Variants in RNF212B observed in about 807,000 individuals in gnomAD.
RNF212B encodes E3 ubiquitin-protein ligase RNF212B.
In RNF212B, 52 loss-of-function variants were observed where a neutral mutation model predicts 55.5. The observed-to-expected ratio is 0.94, with a 90% confidence interval of 0.75 to 1.18. The LOEUF is 1.18. Ranked by LOEUF, RNF212B falls within the 50% of genes most tolerant of loss-of-function variation. The pLI, the probability that RNF212B is intolerant of heterozygous loss-of-function variation, is 0.00. For missense variants in RNF212B, 289 were observed against 350.4 expected (o/e 0.82, Z 1.40); for synonymous variants, 99 against 121.4 (o/e 0.82, Z 1.21).
At chr14:23,230,633 G>A (rs972062502) in intron 2 of RNF212B, among the ~76,000 whole-genome samples, 1 of 110,714 alleles carries the variant, frequency 9.0e-6, no homozygotes, top group Non-Finnish European at 1.7e-5. Context: ...CAGCCTGGAC[G>A]ACAGAGCGAG....
intron 9 of RNF212B, 25 bp from the exon 10 acceptor site, chr14:23,264,149 T>C: frequency 1.3e-6 from 2 of 1,517,184 alleles, no homozygotes; most frequent in Non-Finnish European, 1.8e-6. Context: ...TTGCCTTTTT[T>C]TTCTTTTTGT....
At chr14:23,221,376 C>T (rs928786620) in intron 2 of RNF212B, among the ~76,000 whole-genome samples, 1 of 151,964 alleles carries the variant, frequency 6.6e-6, no homozygotes, top group South Asian at 2.1e-4. Context: ...GATTTCAAGA[C>T]AAAAACTGTA....
intron 1 of RNF212B, among the ~76,000 whole-genome samples, chr14:23,187,502 C>T (rs937508619): frequency 1.3e-5 from 2 of 152,170 alleles, no homozygotes; most frequent in African/African-American, 2.4e-5. Context: ...ATGTGCGCCA[C>T]CACACCCGGG....
At chr14:23,206,667 G>A (rs1879865917) in intron 2 of RNF212B, among the ~76,000 whole-genome samples, 1 of 152,056 alleles carries the variant, frequency 6.6e-6, no homozygotes, top group South Asian at 2.1e-4. Flanking sequence ...AACAACTCAG[G>A]TGAAAATCAA....
intron 14 of RNF212B, among the ~76,000 whole-genome samples, chr14:23,271,931 A>G (rs771057321): frequency 6.6e-6 from 1 of 152,208 alleles, no homozygotes; most frequent in Admixed American, 6.5e-5. Context: ...TTATGTTTTT[A>G]AAAATAGCCT....
At chr14:23,259,210 A>C (rs1885095730) in intron 5 of RNF212B, among the ~76,000 whole-genome samples, 1 of 151,872 alleles carries the variant, frequency 6.6e-6, no homozygotes, top group Non-Finnish European at 1.5e-5. Context: ...AACAAAAAAA[A>C]ACATCTGCTT....
chr14:23,260,008 C>T, intron 6 of RNF212B, 64 bp downstream of exon 6: 1 of 798,120 alleles, frequency 1.3e-6, no homozygotes, highest in South Asian at 1.9e-5. Context: ...ATCTAGCTGA[C>T]TGTATAGAAT....
In RNF212B at chr14:23,270,598, A is replaced by G. The variant is rs1886005004; in HGVS notation, c.773-2A>G. On this transcript the variant is annotated splice_acceptor_variant, in intron 13 of 14. Coordinates refer to ENST00000430154, the MANE Select transcript of RNF212B (RefSeq NM_001282322.3). LOFTEE classifies it high-confidence loss of function. Reference sequence around the variant, plus strand: ...CTTTCACTGTTCCATTCTATCCTTCAGCTCAGAGGGAGAGCACAACTACAC... The same window carrying G: ...CTTTCACTGTTCCATTCTATCCTTCGGCTCAGAGGGAGAGCACAACTACAC... 1.3e-6 allele frequency: 2 copies of G among 1,548,580 alleles called. No individual in the cohort carries two copies. The highest frequency in any genetic ancestry group is 2.4e-5 in the East Asian group (1 of 40,920).
At chr14:23,198,275 A>C (rs1171184546) in intron 2 of RNF212B, among the ~76,000 whole-genome samples, 1 of 152,208 alleles carries the variant, frequency 6.6e-6, no homozygotes, top group African/African-American at 2.4e-5. Flanking sequence ...AAATTATGGA[A>C]TTGTCTTACA....
intron 2 of RNF212B, among the ~76,000 whole-genome samples, chr14:23,232,644 G>A (rs1478535524): frequency 6.6e-6 from 1 of 151,266 alleles, no homozygotes; most frequent in Non-Finnish European, 1.5e-5. Flanking sequence ...GAGGGAGTTG[G>A]GGGGTCAGCC....
chr14:23,257,973 C>A (rs1211097904), intron 4 of RNF212B, among the ~76,000 whole-genome samples: 1 of 152,168 alleles, frequency 6.6e-6, no homozygotes, highest in African/African-American at 2.4e-5. Context: ...TAAAAAAAAT[C>A]TCTCTTCTTG....
chr14:23,270,645 A>T lies in RNF212B; in HGVS notation c.818A>T (p.Gln273Leu), dbSNP rs894684294. 2.6e-6 allele frequency: 4 copies of T among 1,550,186 alleles called. No individual in the cohort carries two copies. Among genetic ancestry groups the T allele is most frequent in the Non-Finnish European group, 3.5e-6 (4 of 1,146,264 alleles). ...TTTLESLPSF[Q>L]LPVLQTLYQQ... ...ACACTAGAGAGTCTTCCTAGTTTCC[A>T]GCTACCAGTCCTGCAGGTGAGACCT... Residue 273 changes from glutamine to leucine, a missense_variant, in exon 14 of 15, where the codon CAG becomes CTG. Physicochemically the swap from Gln to Leu is moderately radical, Grantham distance 113 (BLOSUM62 -2). Coordinates refer to ENST00000430154, the MANE Select transcript of RNF212B (RefSeq NM_001282322.3).
Position 23,259,912 on chromosome 14 carries a change from G to A in RNF212B, c.373G>A (p.Gly125Arg). Reference protein sequence around the residue: ...KELSVLRKENGELKKFLAILK... With the variant: ...KELSVLRKENRELKKFLAILK... ...ATTGTCAGTCTTAAGGAAGGAGAAT[G>A]GAGAACTGAAGAAATTTCTAGCCAT... The change falls in exon 6 of 15, where the codon GGA (glycine) becomes AGA (arginine). Residue 125 changes from glycine to arginine, a missense_variant. Transcript: ENST00000430154. The A allele has an allele frequency of 6.6e-7, 1 of 1,519,384 alleles. No individual in the cohort carries two copies. The allele number at this position is 1,519,384 out of a possible 1,614,324, so 94.1% of individuals were successfully genotyped here.
chr14:23,232,366 G>A (rs1476797634), intron 2 of RNF212B, among the ~76,000 whole-genome samples: 27 of 149,922 alleles, frequency 1.8e-4, no homozygotes, highest in African/African-American at 6.4e-4. Context: ...CCTCCACCTG[G>A]CAGCCACCCC....
intron 13 of RNF212B, 39 bp downstream of exon 13, chr14:23,269,999 C>T (rs1336508272): frequency 2.8e-6 from 3 of 1,074,398 alleles, no homozygotes; most frequent in Non-Finnish European, 4.2e-6. Context: ...GGAGCTTCAA[C>T]TATAGACACA....
At chr14:23,254,130 A>T (rs535323146) in intron 4 of RNF212B, among the ~76,000 whole-genome samples, 3 of 151,996 alleles carry the variant, frequency 2.0e-5, no homozygotes, top group Admixed American at 1.3e-4. Context: ...GAAAAAAATT[A>T]AAAAATTAGA....
intron 2 of RNF212B, among the ~76,000 whole-genome samples, chr14:23,195,670 C>T (rs1356388505): frequency 6.6e-6 from 1 of 152,154 alleles, no homozygotes; most frequent in Non-Finnish European, 1.5e-5. Flanking sequence ...GCACATCCAC[C>T]CTCCTAATAC....
intron 2 of RNF212B, among the ~76,000 whole-genome samples, chr14:23,208,458 C>T (rs528503761): frequency 1.8e-4 from 27 of 152,212 alleles, no homozygotes; most frequent in African/African-American, 5.1e-4. Context: ...GATCACACTG[C>T]ACTCTAGAAT....
intron 14 of RNF212B, chr14:23,272,372 A>C (rs1182009041): frequency 2.1e-5 from 4 of 191,744 alleles, no homozygotes; most frequent in Non-Finnish European, 4.3e-5. Context: ...GTAAGCGGAG[A>C]TGCACCACTG....
Sources: allele counts gnomAD v4.1 joint callset (sites outside exome capture counted in the v4.1 genomes callset), GRCh38; gene constraint gnomAD v4.1.1; transcripts MANE v1.5; gene names NCBI Gene and HGNC (gene_info 2026-07-23, HGNC 2026-07-21).